The following PDCD1LG2 variants were observed in gnomAD, a reference collection of about 807,000 sequenced individuals.
PDCD1LG2 encodes B7 dendritic cell molecule.
PDCD1LG2 carries 32 observed loss-of-function variants against 28.2 expected under a neutral mutation model. The ratio of observed to expected loss-of-function variants is 1.13; its 90% CI spans 0.86 to 1.52. The LOEUF is 1.52. Ranked by LOEUF, PDCD1LG2 falls within the 40% of genes most tolerant of loss-of-function variation. The probability of loss-of-function intolerance (pLI) is 0.00; values close to 1 mark genes in which losing one functional copy is unlikely to be tolerated. For missense variants in PDCD1LG2, 385 were observed against 323.8 expected, an observed-to-expected ratio of 1.19 and a Z score of -1.45; for synonymous variants, 116 against 120.2, an observed-to-expected ratio of 0.97 and a Z score of 0.23.
At chr9:5,563,507 C>T (rs1051221744) in intron 6 of PDCD1LG2, among the ~76,000 whole-genome samples, 8 of 152,138 alleles carry the variant, frequency 5.3e-5, no homozygotes, top group African/African-American at 1.4e-4. Flanking sequence ...TATTCAACTG[C>T]GATGCAATTG....
rs532295066 is a variant in PDCD1LG2 at position 5,554,800 on chromosome 9, G to C, written c.632-2818G>C. The stretch of plus-strand genomic sequence containing the variant: ...AGGTGATTCCAGGCAGTGGTTGAGA[G>C]CATGGGCTCTGATGTCAGACAGGCT... On this transcript the variant is annotated intron_variant, in intron 4 of 6. Transcript: ENST00000397747. Among the ~76,000 whole-genome samples the C allele has an allele frequency of 3.9e-5, 6 of 152,334 alleles. No homozygotes were observed. The South Asian group carries it at 1.2e-3, about 32-fold the overall frequency.
chr9:5,530,991 G>T (rs773780727), intron 2 of PDCD1LG2, among the ~76,000 whole-genome samples: 1 of 152,200 alleles, frequency 6.6e-6, no homozygotes, highest in Non-Finnish European at 1.5e-5. Flanking sequence ...ACGCTTGCAC[G>T]TGCAAATGTT....
intron 2 of PDCD1LG2, 138 bp from the exon 3 acceptor site, chr9:5,534,606 AG>A: frequency 1.4e-6 from 1 of 711,958 alleles, no homozygotes; most frequent in Admixed American, 3.0e-5. Flanking sequence ...AAGGAGAAAA[AG>A]GATTCGCCAC....
chr9:5,535,021 A>T lies in PDCD1LG2; in HGVS notation c.332A>T (p.Asp111Val), dbSNP rs1277406257. Residue 111 changes from aspartate (D) to valine (V), a missense_variant, in exon 3 of 7, where the codon GAC becomes GTC. Transcript: ENST00000397747. ...ATAATCATCTATGGGGTCGCCTGGGACTACAAGTACCTGACTCTGAAAGTC... is the reference window on the plus strand; with the variant it reads ...ATAATCATCTATGGGGTCGCCTGGGTCTACAAGTACCTGACTCTGAAAGTC... ...QCIIIYGVAW[D>V]YKYLTLKVKA... 5 of 1,612,118 alleles carry T rather than the reference A, an allele frequency of 3.1e-6. No homozygotes were observed. The highest frequency in any genetic ancestry group is 8.5e-7 in the Non-Finnish European group (1 of 1,178,818).
At chr9:5,548,244 C>A (rs1236219235) in intron 3 of PDCD1LG2, among the ~76,000 whole-genome samples, 3 of 152,176 alleles carry the variant, frequency 2.0e-5, no homozygotes, top group Admixed American at 1.3e-4. Flanking sequence ...TAAATGAGAT[C>A]ATACATTATC....
rs115887940 is a variant in PDCD1LG2 at position 5,528,915 on chromosome 9, A to G, written c.56-5830A>G. ...TGGCTTATGTTTGTATTTTCAGTAG[A>G]GTCGGGGTTTCACTATGTTGGCCAG... On this transcript the variant is annotated intron_variant, in intron 2 of 6. Transcript: ENST00000397747. 4.1e-3 allele frequency among the ~76,000 whole-genome samples: 624 copies of G among 152,180 alleles called. 2 individuals carry two copies. The highest frequency in any genetic ancestry group is 0.014 in the African/African-American group (586 of 41,508).
intron 2 of PDCD1LG2, among the ~76,000 whole-genome samples, chr9:5,529,534 T>C (rs990966592): frequency 2.6e-5 from 4 of 152,248 alleles, no homozygotes; most frequent in Non-Finnish European, 5.9e-5. Flanking sequence ...ATATCACACT[T>C]ATATTTGTTT....
At chr9:5,543,616 A>T (rs79370121) in intron 3 of PDCD1LG2, among the ~76,000 whole-genome samples, 3,673 of 151,934 alleles carry the variant, frequency 0.024, 147 homozygotes, top group African/African-American at 0.08. Context: ...ACAATCAAAG[A>T]GAAGCAAGGC....
chr9:5,546,916 G>T (rs1471265014), intron 3 of PDCD1LG2, among the ~76,000 whole-genome samples: 1 of 152,172 alleles, frequency 6.6e-6, no homozygotes, highest in Admixed American at 6.5e-5. Flanking sequence ...GTGCACGCAG[G>T]TTCTGGTGGA....
intron 2 of PDCD1LG2, among the ~76,000 whole-genome samples, chr9:5,523,983 A>C (rs1166482218): frequency 3.3e-5 from 5 of 152,212 alleles, no homozygotes; most frequent in Non-Finnish European, 5.9e-5. Flanking sequence ...TTCTTCTAAG[A>C]TAATCAGCAC....
intron 5 of PDCD1LG2, among the ~76,000 whole-genome samples, chr9:5,559,374 G>T (rs1030027042): frequency 6.6e-6 from 1 of 152,174 alleles, no homozygotes; most frequent in East Asian, 1.9e-4. Flanking sequence ...CTTGCATTCA[G>T]ATCTGCTTTC....
At chr9:5,566,978 A>G (rs1157426887) in intron 6 of PDCD1LG2, among the ~76,000 whole-genome samples, 3 of 152,238 alleles carry the variant, frequency 2.0e-5, no homozygotes, top group African/African-American at 7.2e-5. Context: ...GGATTATGGA[A>G]TCAAGTATTG....
intron 1 of PDCD1LG2, among the ~76,000 whole-genome samples, chr9:5,522,025 CCAGCACTCAA>C (rs1285088793): frequency 6.6e-6 from 1 of 152,204 alleles, no homozygotes; most frequent in Non-Finnish European, 1.5e-5. Context: ...AAACTCAATT[CCAGCACTCAA>C]AAGCACTTGA....
At chr9:5,533,501 G>C (rs1263423178) in intron 2 of PDCD1LG2, among the ~76,000 whole-genome samples, 1 of 152,176 alleles carries the variant, frequency 6.6e-6, no homozygotes, top group East Asian at 1.9e-4. Flanking sequence ...CCCAGATACT[G>C]TTATCTACCC....
chr9:5,563,058 T>C (rs1426588724), intron 5 of PDCD1LG2, 104 bp from the exon 6 acceptor site: 3 of 972,370 alleles, frequency 3.1e-6, no homozygotes, highest in Non-Finnish European at 4.7e-6. Flanking sequence ...GGCTTCGCTA[T>C]GTGGATTTAT....
intron 3 of PDCD1LG2, among the ~76,000 whole-genome samples, chr9:5,543,260 C>G (rs1820721716): frequency 6.6e-6 from 1 of 152,060 alleles, no homozygotes; most frequent in South Asian, 2.1e-4. Flanking sequence ...CACATTTGGG[C>G]CAGGCGTGGT....
chr9:5,552,146 A>G (rs953665445), intron 4 of PDCD1LG2, among the ~76,000 whole-genome samples: 19 of 152,196 alleles, frequency 1.2e-4, no homozygotes, highest in Non-Finnish European at 5.9e-5. Flanking sequence ...ATCACTGGAT[A>G]TGGAAGTAAA....
chr9:5,515,526 A>G (rs1007981508), intron 1 of PDCD1LG2, among the ~76,000 whole-genome samples: 1 of 152,190 alleles, frequency 6.6e-6, no homozygotes, highest in African/African-American at 2.4e-5. Context: ...GGAGACCCAA[A>G]GTGGGTAGCA....
chr9:5,511,958 G>A (rs528662799), intron 1 of PDCD1LG2, among the ~76,000 whole-genome samples: 38 of 152,262 alleles, frequency 2.5e-4, no homozygotes, highest in Non-Finnish European at 4.7e-4. Context: ...GGTGCTTGCC[G>A]AATTGTTGAA....
Sources: gnomAD v4.1 joint callset for allele counts (sites outside exome capture counted in the v4.1 genomes callset) on GRCh38, gnomAD v4.1.1 for gene constraint, MANE v1.5 for transcripts, NCBI Gene and HGNC (gene_info 2026-07-23, HGNC 2026-07-21) for gene names.